The following CTNNA2 variants were observed in gnomAD, a reference collection of about 807,000 sequenced individuals.
CTNNA2 encodes catenin alpha 2.
Under a neutral mutation model 101.0 loss-of-function variants are expected in CTNNA2, and 42 were observed. The ratio of observed to expected loss-of-function variants is 0.42; its 90% confidence interval spans 0.32 to 0.54. The LOEUF is 0.54. Among genes scored for constraint, CTNNA2 ranks in the 20% least tolerant of loss-of-function variants. The pLI, the probability that CTNNA2 is intolerant of heterozygous loss-of-function variation, is 0.14. For missense variants in CTNNA2, 871 were observed against 1,223.1 expected (o/e 0.71, Z 4.29); for synonymous variants, 450 against 456.4 (o/e 0.99, Z 0.18).
At chr2:79,196,864 A>T (rs1673968052) in intron 1 of CTNNA2, among the ~76,000 whole-genome samples, 1 of 152,142 alleles carries the variant, frequency 6.6e-6, no homozygotes, top group African/African-American at 2.4e-5. Flanking sequence ...TTGCAGGATT[A>T]TTGTTTAGGG....
chr2:79,982,238 A>ATATATATG (rs1553420970), intron 7 of CTNNA2, among the ~76,000 whole-genome samples: 12 of 89,596 alleles, frequency 1.3e-4, no homozygotes, highest in Non-Finnish European at 2.1e-4. Context: ...ATATATATAT[A>ATATATATG]TATGTATGTA....
chr2:79,653,068 A>G (rs1293976726), intron 2 of CTNNA2, among the ~76,000 whole-genome samples: 1 of 152,204 alleles, frequency 6.6e-6, no homozygotes, highest in Non-Finnish European at 1.5e-5. Context: ...ACAGTTACAG[A>G]CATTCCTACA....
intron 7 of CTNNA2, among the ~76,000 whole-genome samples, chr2:80,223,551 G>A (rs1290502250): frequency 6.6e-6 from 1 of 152,204 alleles, no homozygotes; most frequent in East Asian, 1.9e-4. Flanking sequence ...TGGGATTACA[G>A]GCGTGAGCCA....
intron 7 of CTNNA2, among the ~76,000 whole-genome samples, chr2:80,192,611 C>T (rs1410570329): frequency 6.6e-6 from 1 of 152,164 alleles, no homozygotes; most frequent in East Asian, 1.9e-4. Flanking sequence ...ACTGCAACCT[C>T]TGCCTCATGG....
chr2:79,876,830 TTTG>T (rs1315623225), intron 6 of CTNNA2, among the ~76,000 whole-genome samples: 2 of 152,032 alleles, frequency 1.3e-5, no homozygotes, highest in African/African-American at 4.8e-5. Context: ...AGGTTTTTTT[TTTG>T]TTGTTGTTGT....
At chr2:80,605,481 C>A (rs1697921089) in intron 16 of CTNNA2, 1 of 151,924 alleles carries the variant, frequency 6.6e-6, no homozygotes. Flanking sequence ...AAGAGAATTG[C>A]ATCCTTCTCC....
At chr2:80,618,926 T>A (rs547748540) in intron 17 of CTNNA2, 159 bp from the exon 18 acceptor site, 4 of 453,816 alleles carry the variant, frequency 8.8e-6, no homozygotes, top group African/African-American at 6.0e-5. Flanking sequence ...AAAGCCCATA[T>A]GTATATCTCT....
intron 9 of CTNNA2, among the ~76,000 whole-genome samples, chr2:80,512,996 T>C (rs1688830784): frequency 2.0e-5 from 3 of 152,154 alleles, no homozygotes; most frequent in Admixed American, 1.3e-4. Flanking sequence ...TTGAGCTATT[T>C]TGGGGCATCT....
At chr2:79,592,878 A>G (rs1469137507) in intron 1 of CTNNA2, among the ~76,000 whole-genome samples, 6 of 152,138 alleles carry the variant, frequency 3.9e-5, no homozygotes, top group Non-Finnish European at 8.8e-5. Flanking sequence ...CTGACACCTC[A>G]GTGATTTTTT....
intron 13 of CTNNA2, chr2:80,579,617 TCTC>T (rs2149714155): frequency 6.6e-6 from 1 of 152,320 alleles, no homozygotes; most frequent in Admixed American, 6.5e-5. Context: ...ACCTCTTTCT[TCTC>T]TCCTTATTTT....
At chr2:79,897,331 C>T (rs1300821364) in intron 6 of CTNNA2, among the ~76,000 whole-genome samples, 1 of 31,562 alleles carries the variant, frequency 3.2e-5, no homozygotes, top group Non-Finnish European at 5.6e-5. Flanking sequence ...TATGCTTTAC[C>T]GAGAAAAAAA....
At chr2:79,240,195 A>C (rs1369806440) in intron 2 of CTNNA2, among the ~76,000 whole-genome samples, 3 of 151,218 alleles carry the variant, frequency 2.0e-5, no homozygotes, top group Admixed American at 6.6e-5. Context: ...GGCATGAGCC[A>C]CCATGCTTGG....
chr2:80,288,951 CTCATGGGCCGACA>C (rs1675002405), intron 7 of CTNNA2: 12 of 152,256 alleles, frequency 7.9e-5, no homozygotes, highest in Admixed American at 6.5e-4. Flanking sequence ...AACACTGTTT[CTCATGGGCCGACA>C]GATATGGGAC....
intron 1 of CTNNA2, among the ~76,000 whole-genome samples, chr2:79,601,786 T>A (rs1054471899): frequency 2.0e-5 from 3 of 152,180 alleles, no homozygotes; most frequent in Non-Finnish European, 2.9e-5. Context: ...CAATTACAAC[T>A]GAAAATACAC....
At chr2:79,512,839 C>G (rs993049761), upstream of CTNNA2, among the ~76,000 whole-genome samples, 5 of 151,396 alleles carry the variant, frequency 3.3e-5, no homozygotes, top group South Asian at 2.1e-4. Context: ...AGCCACCCCT[C>G]GATGCCCGGT....
intron 4 of CTNNA2, among the ~76,000 whole-genome samples, chr2:79,412,287 A>G (rs1558661109): frequency 6.6e-6 from 1 of 152,090 alleles, no homozygotes; most frequent in Non-Finnish European, 1.5e-5. Context: ...CTCCCACATA[A>G]TAATAATGGG....
At chr2:79,989,250 T>G (rs1691991728) in intron 7 of CTNNA2, among the ~76,000 whole-genome samples, 2 of 152,336 alleles carry the variant, frequency 1.3e-5, no homozygotes, top group Non-Finnish European at 2.9e-5. Flanking sequence ...CTATTCCCAA[T>G]GCATGTTTCT....
chr2:80,323,822 G>A (rs1159143167), intron 7 of CTNNA2, among the ~76,000 whole-genome samples: 1 of 152,106 alleles, frequency 6.6e-6, no homozygotes, highest in African/African-American at 2.4e-5. Context: ...GACCACTAGG[G>A]GTGGGTGGAG....
At chr2:79,666,192 G>A (rs1032190482) in intron 2 of CTNNA2, among the ~76,000 whole-genome samples, 2 of 151,804 alleles carry the variant, frequency 1.3e-5, no homozygotes, top group Non-Finnish European at 2.9e-5. Flanking sequence ...CTTCATATGG[G>A]CTTCTTTCCC....
Sources: gnomAD v4.1 joint callset for allele counts (sites outside exome capture counted in the v4.1 genomes callset) on GRCh38, gnomAD v4.1.1 for gene constraint, MANE v1.5 for transcripts, NCBI Gene and HGNC (gene_info 2026-07-23, HGNC 2026-07-21) for gene names.